MRS2: variants seen among roughly 807,000 people sequenced by gnomAD.
MRS2 encodes the protein magnesium transporter MRS2 homolog, mitochondrial.
In MRS2, 40 loss-of-function variants were observed where a neutral mutation model predicts 52.6. That is an observed-to-expected ratio of 0.76 (90% confidence interval 0.59 to 0.99). MRS2 has a LOEUF of 0.99. Ranked by LOEUF, MRS2 falls within the 50% of genes least tolerant of loss-of-function variation. The pLI is 0.00. For missense variants in MRS2, 472 were observed against 532.7 expected (o/e 0.89, Z 1.12); for synonymous variants, 193 against 195.9 (o/e 0.98, Z 0.13).
intron 2 of MRS2, among the ~76,000 whole-genome samples, chr6:24,406,204 A>G (rs1761470793): frequency 6.6e-6 from 1 of 152,110 alleles, no homozygotes; most frequent in Non-Finnish European, 1.5e-5. Context: ...ACAAGTTACA[A>G]TAACATCTTT....
intron 9 of MRS2, among the ~76,000 whole-genome samples, chr6:24,421,953 A>T (rs766527204): frequency 2.6e-5 from 4 of 152,192 alleles, no homozygotes; most frequent in Non-Finnish European, 5.9e-5. Context: ...GTTCGAGACC[A>T]GCCTGACCAA....
intron 6 of MRS2, 55 bp downstream of exon 6, chr6:24,415,218 A>G (rs545241594): frequency 1.3e-6 from 2 of 1,482,902 alleles, no homozygotes; most frequent in South Asian, 1.5e-5. Flanking sequence ...CTTAAAATCA[A>G]TTATTAACAT....
rs1762180069 is a variant in MRS2 at position 24,424,961 on chromosome 6, A to G, written c.*1267A>G. On this transcript the variant is annotated 3_prime_UTR_variant, in exon 11 of 11. Transcript: ENST00000378386. Reference sequence around the variant, plus strand: ...GGTTTCCCCACTCCTGTGTGTGGTCATGGGAAGCCATTAGAGGGAAGCTGC... The same window carrying G: ...GGTTTCCCCACTCCTGTGTGTGGTCGTGGGAAGCCATTAGAGGGAAGCTGC... 6.6e-6 allele frequency: 1 copy of G among 152,192 alleles called. No individual in the cohort carries two copies. Among genetic ancestry groups the G allele is most frequent in the Non-Finnish European group, 1.5e-5 (1 of 68,032 alleles). 9.4% of individuals were successfully genotyped at this position (152,192 alleles called of 1,614,324 possible). A position where few individuals can be genotyped will look rare whatever the true frequency, so the allele number is the denominator to read the frequency against.
chr6:24,412,475 G>GTTTC, intron 5 of MRS2, 80 bp downstream of exon 5: 3 of 1,171,592 alleles, frequency 2.6e-6, no homozygotes, highest in Non-Finnish European at 3.6e-6. Context: ...TTGGGGTATT[G>GTTTC]TTTCAATGGC....
chr6:24,414,106 C>A (rs567661894), intron 5 of MRS2, among the ~76,000 whole-genome samples: 1 of 151,232 alleles, frequency 6.6e-6, no homozygotes, highest in East Asian at 1.9e-4. Context: ...TACTTGATCC[C>A]TCATTACTTC....
At chr6:24,408,539 T>G (rs995134359) in intron 3 of MRS2, 95 bp downstream of exon 3, 7 of 894,422 alleles carry the variant, frequency 7.8e-6, no homozygotes, top group Non-Finnish European at 1.3e-5. Context: ...AAATATTCTT[T>G]GCATATACAG....
rs1377063280 is a variant in MRS2, at chr6:24,424,513, A to G, written c.*819A>G. 1.3e-5 allele frequency: 2 copies of G among 152,234 alleles called. No homozygotes were observed. The highest frequency in any genetic ancestry group is 4.8e-5 in the African/African-American group (2 of 41,462). 9.4% of individuals were successfully genotyped at this position (152,234 alleles called of 1,614,324 possible). ...ATGCCTACACCTCAGAAGCTGACAG[A>G]TGAGCTTCCTAAAACATGAGGATGA... is the stretch of plus-strand genomic sequence containing the variant. On this transcript the variant is annotated 3_prime_UTR_variant, in exon 11 of 11. Transcript: ENST00000378386.
chr6:24,403,190 G>A lies in MRS2; in HGVS notation c.144G>A (p.Arg48=), dbSNP rs780105478. Residue 48 remains arginine (R), a synonymous_variant, in exon 1 of 11, where the codon AGG becomes AGA. Transcript: ENST00000378386. Reference sequence around the variant, plus strand: ...GCCGCCGAGCCAACCTGATTGGAAGGAGCCGAGCGGCGCAGCTTTGCGGGC... The same window carrying A: ...GCCGCCGAGCCAACCTGATTGGAAGAAGCCGAGCGGCGCAGCTTTGCGGGC... ...ACGRRANLIG[R]SRAAQLCGPD... 1 of 1,605,146 alleles carries A rather than the reference G, an allele frequency of 6.2e-7. No individual in the cohort carries two copies. Among genetic ancestry groups the A allele is most frequent in the Non-Finnish European group, 8.5e-7 (1 of 1,179,706 alleles).
chr6:24,404,159 A>G (rs1379233147), intron 1 of MRS2, among the ~76,000 whole-genome samples: 6 of 152,124 alleles, frequency 3.9e-5, no homozygotes, highest in African/African-American at 1.4e-4. Context: ...CTCATTCTCC[A>G]CTTATTGGAG....
At chr6:24,414,213 G>T (rs189786032) in intron 5 of MRS2, among the ~76,000 whole-genome samples, 35 of 151,944 alleles carry the variant, frequency 2.3e-4, no homozygotes, top group African/African-American at 8.2e-4. Context: ...GATTTGGCAG[G>T]GTCATAGGAC....
At chr6:24,413,218 T>C (rs1761726525) in intron 5 of MRS2, among the ~76,000 whole-genome samples, 1 of 151,916 alleles carries the variant, frequency 6.6e-6, no homozygotes, top group African/African-American at 2.4e-5. Context: ...GCTCATGCTG[T>C]TAGGAGAAAG....
At chr6:24,406,401 TTAAA>T (rs150717082) in intron 2 of MRS2, among the ~76,000 whole-genome samples, 18,586 of 152,104 alleles carry the variant, frequency 0.12, 1,437 homozygotes, top group East Asian at 0.16. Context: ...CTATATAAAA[TTAAA>T]TAACCCCCAG....
intron 5 of MRS2, among the ~76,000 whole-genome samples, chr6:24,414,645 T>A (rs952364992): frequency 1.3e-5 from 2 of 152,200 alleles, no homozygotes; most frequent in African/African-American, 4.8e-5. Context: ...TCGTGGCCCG[T>A]TCTCAATGAG....
rs1761343100 is a variant in MRS2, at chr6:24,403,195, G to C, written c.149G>C (p.Arg50Pro). The C allele has an allele frequency of 3.1e-6, 5 of 1,603,946 alleles. No homozygotes were observed. The African/African-American group carries it at 6.7e-5, about 21-fold the overall frequency. ...CGAGCCAACCTGATTGGAAGGAGCC[G>C]AGCGGCGCAGCTTTGCGGGCCCGAC... is the stretch of plus-strand genomic sequence containing the variant. ...GRRANLIGRS[R>P]AAQLCGPDRL... The change falls in exon 1 of 11, where the codon CGA becomes CCA. Residue 50 changes from arginine (R) to proline (P), a missense_variant. Arg to Pro is a moderately radical substitution (Grantham distance 103). Transcript: ENST00000378386.
At chr6:24,413,850 A>G (rs1416213544) in intron 5 of MRS2, among the ~76,000 whole-genome samples, 5 of 152,240 alleles carry the variant, frequency 3.3e-5, no homozygotes, top group Non-Finnish European at 7.3e-5. Flanking sequence ...GCCAACTGGC[A>G]TGGAAGTGTT....
chr6:24,407,645 G>T (rs1490992990), intron 2 of MRS2, among the ~76,000 whole-genome samples: 2 of 152,122 alleles, frequency 1.3e-5, no homozygotes, highest in African/African-American at 4.8e-5. Context: ...ATCAGAAGGG[G>T]TTCTGTAAAT....
intron 2 of MRS2, among the ~76,000 whole-genome samples, chr6:24,407,918 T>C (rs1761529778): frequency 6.6e-6 from 1 of 152,192 alleles, no homozygotes; most frequent in Non-Finnish European, 1.5e-5. Flanking sequence ...CGAATCCCCA[T>C]GCCCCGTAGT....
At chr6:24,410,319 G>A (rs1761608985) in intron 4 of MRS2, among the ~76,000 whole-genome samples, 1 of 152,108 alleles carries the variant, frequency 6.6e-6, no homozygotes, top group Non-Finnish European at 1.5e-5. Context: ...GAAATATATT[G>A]TATTTTCCCT....
chr6:24,422,504 T>G (rs373469711), intron 9 of MRS2, among the ~76,000 whole-genome samples: 22 of 152,164 alleles, frequency 1.4e-4, no homozygotes, highest in African/African-American at 4.8e-4. Flanking sequence ...ATTTATTATG[T>G]TACAGATTCC....
Sources: gnomAD v4.1 joint callset for allele counts (sites outside exome capture counted in the v4.1 genomes callset) on GRCh38, gnomAD v4.1.1 for gene constraint, MANE v1.5 for transcripts, NCBI Gene and HGNC (gene_info 2026-07-23, HGNC 2026-07-21) for gene names.